TULP4: variants seen among roughly 807,000 people sequenced by gnomAD.
The protein encoded by TULP4 is tubby-related protein 4.
A neutral mutation model predicts 129.0 loss-of-function variants in TULP4; 16 were observed. The ratio of observed to expected loss-of-function variants is 0.12; its 90% CI spans 0.08 to 0.19. The LOEUF is 0.19. Ranked by LOEUF, TULP4 falls within the 10% of genes least tolerant of loss-of-function variation. The probability of loss-of-function intolerance (pLI) is 1.00; values close to 1 mark genes in which losing one functional copy is unlikely to be tolerated. For synonymous variants in TULP4, 998 were observed against 854.0 expected (o/e 1.17, Z -2.94); for missense variants, 1,842 against 2,059.1 (o/e 0.89, Z 2.04).
chr6:158,318,899 ATTTTTTTTTTTT>A (rs56898948), intron 1 of TULP4, among the ~76,000 whole-genome samples: 7 of 136,934 alleles, frequency 5.1e-5, no homozygotes, highest in Admixed American at 1.4e-4. Context: ...CTAGTTACAA[ATTTTTTTTTTTT>A]TTTTTTTTTT....
In TULP4 at chr6:158,314,166, C is replaced by T. The variant is rs748395531; in HGVS notation, c.150C>T (p.Asn50=). The change falls in exon 1 of 14, where the codon AAC becomes AAT. Residue 50 remains asparagine (N), a synonymous_variant. Coordinates refer to ENST00000367097, the MANE Select transcript of TULP4 (RefSeq NM_020245.5). ...AGGAAGGCTGGCTGGCCACGGGCAA[C>T]GGGCGAGGAGTGGTTGGGGTGACTT... ...YYEEGWLATG[N]GRGVVGVTFT... is the part of the protein sequence containing the mutation. The T allele has an allele frequency of 9.3e-6, 15 of 1,613,982 alleles. No homozygotes were observed. The highest frequency in any genetic ancestry group is 1.6e-4 in the Middle Eastern group (1 of 6,084).
chr6:158,379,600 C>T (rs1213070233), intron 1 of TULP4, among the ~76,000 whole-genome samples: 4 of 152,132 alleles, frequency 2.6e-5, no homozygotes, highest in Admixed American at 1.3e-4. Context: ...GTGTTTCAAG[C>T]GATAACCTCA....
At position 158,511,570 on chromosome 6, in the gene TULP4, G is replaced by A. The variant is rs1273874813; in HGVS notation, c.*4876G>A. On this transcript the variant is annotated 3_prime_UTR_variant, in exon 14 of 14. Transcript: ENST00000367097. ...GCATCCTGCTGGTTTTACTTTCCAA[G>A]CAAGATCTGTTGCGACTCCCAAATG... 2.0e-5 allele frequency: 3 copies of A among 152,520 alleles called. No individual in the cohort carries two copies. The highest frequency in any genetic ancestry group is 1.3e-4 in the Admixed American group (2 of 15,270). 9.4% of individuals were successfully genotyped at this position (152,520 alleles called of 1,614,324 possible).
At chr6:158,304,922 C>T (rs1327558669) in intron 1 of TULP4, among the ~76,000 whole-genome samples, 1 of 152,126 alleles carries the variant, frequency 6.6e-6, no homozygotes, top group Non-Finnish European at 1.5e-5. Flanking sequence ...CTGCCTCAGC[C>T]TCCCAATGTG....
upstream of TULP4, chr6:158,312,446 G>A (rs1249459816): frequency 4.3e-6 from 1 of 234,434 alleles, no homozygotes; most frequent in Non-Finnish European, 8.1e-6. Context: ...GAAGGTGACT[G>A]AGAAAGAAGT....
At chr6:158,262,236 C>T (rs889736407) in intron 1 of TULP4, among the ~76,000 whole-genome samples, 1 of 152,232 alleles carries the variant, frequency 6.6e-6, no homozygotes, top group Non-Finnish European at 1.5e-5. Flanking sequence ...ATCATTCCCA[C>T]TCAGCCTCCG....
intron 5 of TULP4, among the ~76,000 whole-genome samples, chr6:158,453,882 G>C (rs1273735792): frequency 9.2e-5 from 14 of 151,788 alleles, no homozygotes; most frequent in African/African-American, 2.7e-4. Flanking sequence ...GAACCTGGGA[G>C]GCGGAGGTTG....
At chr6:158,403,638 G>A (rs150013090) in intron 1 of TULP4, among the ~76,000 whole-genome samples, 383 of 152,270 alleles carry the variant, frequency 2.5e-3, no homozygotes, top group African/African-American at 8.7e-3. Context: ...GTTTTGAACC[G>A]GGGACATTTC....
chr6:158,408,027 T>G (rs1308730067), intron 1 of TULP4, among the ~76,000 whole-genome samples: 2 of 152,220 alleles, frequency 1.3e-5, no homozygotes, highest in Non-Finnish European at 2.9e-5. Flanking sequence ...TTGAATCAGT[T>G]TTAACATCTT....
At chr6:158,482,839 G>A (rs529299947) in intron 8 of TULP4, among the ~76,000 whole-genome samples, 9 of 152,292 alleles carry the variant, frequency 5.9e-5, no homozygotes, top group South Asian at 4.1e-4. Flanking sequence ...AAGACGGACC[G>A]GAGGCTGTGC....
chr6:158,420,686 G>GT (rs1420095990), intron 2 of TULP4, among the ~76,000 whole-genome samples: 1 of 151,890 alleles, frequency 6.6e-6, no homozygotes, highest in African/African-American at 2.4e-5. Flanking sequence ...GTTTCACCAT[G>GT]TTGGCCAGGT....
intron 1 of TULP4, among the ~76,000 whole-genome samples, chr6:158,400,725 A>G (rs917733774): frequency 7.2e-5 from 11 of 151,950 alleles, no homozygotes; most frequent in Non-Finnish European, 5.9e-5. Context: ...CATTTCCTGC[A>G]GTTAGTTGAG....
chr6:158,437,507 G>A (rs2115085475), intron 3 of TULP4, among the ~76,000 whole-genome samples: 1 of 152,186 alleles, frequency 6.6e-6, no homozygotes, highest in East Asian at 1.9e-4. Flanking sequence ...GCTGCAGTGA[G>A]CTGTGATAGC....
At chr6:158,451,041 GGCAACAGA>G (rs1779153178) in intron 4 of TULP4, among the ~76,000 whole-genome samples, 3 of 152,004 alleles carry the variant, frequency 2.0e-5, no homozygotes, top group Admixed American at 2.0e-4. Context: ...TTCCAGCCTG[GGCAACAGA>G]GCAAGTCTCC....
intron 1 of TULP4, among the ~76,000 whole-genome samples, chr6:158,274,552 G>A (rs984859221): frequency 3.2e-4 from 48 of 152,142 alleles, no homozygotes; most frequent in Middle Eastern, 3.4e-3. Context: ...CAAGGCGGGC[G>A]GATCATGAGG....
At chr6:158,475,740 T>C (rs943932901) in intron 6 of TULP4, among the ~76,000 whole-genome samples, 8 of 152,194 alleles carry the variant, frequency 5.3e-5, no homozygotes, top group African/African-American at 1.7e-4. Context: ...GACTGTGAGG[T>C]GGCAAAATCA....
chr6:158,282,612 T>C (rs1382863104), intron 1 of TULP4, among the ~76,000 whole-genome samples: 3 of 151,370 alleles, frequency 2.0e-5, no homozygotes, highest in Admixed American at 6.6e-5. Flanking sequence ...AATCCTGCCA[T>C]TAATTTTCTC....
chr6:158,290,918 G>T (rs1778927462), intron 1 of TULP4, among the ~76,000 whole-genome samples: 1 of 152,204 alleles, frequency 6.6e-6, no homozygotes, highest in Admixed American at 6.5e-5. Context: ...ACCGGATAGT[G>T]TCGGGCAAGC....
At chr6:158,351,277 T>C (rs1780512674) in intron 1 of TULP4, among the ~76,000 whole-genome samples, 1 of 152,220 alleles carries the variant, frequency 6.6e-6, no homozygotes, top group Non-Finnish European at 1.5e-5. Context: ...AACTGCCTTG[T>C]GGCTCAGCCT....
Sources: allele counts gnomAD v4.1 joint callset (sites outside exome capture counted in the v4.1 genomes callset), GRCh38; gene constraint gnomAD v4.1.1; transcripts MANE v1.5; gene names NCBI Gene and HGNC (gene_info 2026-07-23, HGNC 2026-07-21).